MIOS: variants seen among roughly 807,000 people sequenced by gnomAD.
MIOS encodes meiosis regulator for oocyte development.
Under a neutral mutation model 96.9 loss-of-function variants are expected in MIOS, and 52 were observed. That is an observed-to-expected ratio of 0.54 (90% CI 0.43 to 0.68). The LOEUF (loss-of-function observed/expected upper bound fraction) is 0.68, where lower values mean the gene tolerates loss of function less well. Ranked by LOEUF, MIOS falls within the 30% of genes least tolerant of loss-of-function variation. MIOS has a pLI of 0.00. For missense variants in MIOS, 1,005 were observed against 1,052.8 expected, an observed-to-expected ratio of 0.95 and a Z score of 0.63; for synonymous variants, 397 against 359.5, an observed-to-expected ratio of 1.10 and a Z score of -1.18.
rs117782293 is a variant in MIOS, at chr7:7,594,351, G to C, written c.2044-629G>C. Among the ~76,000 whole-genome samples the C allele has an allele frequency of 3.3e-5, 5 of 151,198 alleles. No homozygotes were observed. The East Asian group carries it at 9.7e-4, about 29-fold the overall frequency. On this transcript the variant is annotated intron_variant, in intron 9 of 12. Coordinates refer to ENST00000340080, the MANE Select transcript of MIOS (RefSeq NM_019005.4). ...AAATGGAGTCTCATTCTGTCACCCA[G>C]ACTACAGTGCAACGGCACAATCTCA...
At chr7:7,600,428 CAG>C (rs1407711584) in intron 11 of MIOS, among the ~76,000 whole-genome samples, 3 of 152,128 alleles carry the variant, frequency 2.0e-5, no homozygotes, top group African/African-American at 7.2e-5. Context: ...ATCCTGATCT[CAG>C]ATAAAACAGA....
At chr7:7,574,038 T>G (rs1240974362) in intron 4 of MIOS, 60 bp from the exon 5 acceptor site, 2 of 1,353,376 alleles carry the variant, frequency 1.5e-6, no homozygotes, top group African/African-American at 2.9e-5. Context: ...CAAATCAAAA[T>G]AAATTTAGCT....
intron 9 of MIOS, 138 bp from the exon 10 acceptor site, chr7:7,594,842 C>T (rs1380499497): frequency 5.9e-6 from 3 of 509,850 alleles, no homozygotes; most frequent in Non-Finnish European, 9.2e-6. Context: ...TCTTTATTCT[C>T]ATTAGGAGCC....
Position 7,605,924 on chromosome 7 carries a change from C to G in MIOS, c.2402-18C>G. 6.2e-7 allele frequency: 1 copy of G among 1,606,042 alleles called. No individual in the cohort carries two copies. On this transcript the variant is annotated intron_variant, in intron 11 of 12. Transcript: ENST00000340080. ...ATATTATGATATAGTTAATGAAGAT[C>G]ATTTTATTTTGTCATAGGAGGAACC...
intron 5 of MIOS, among the ~76,000 whole-genome samples, chr7:7,578,603 T>G (rs1350808256): frequency 6.6e-6 from 1 of 152,192 alleles, no homozygotes; most frequent in Admixed American, 6.5e-5. Flanking sequence ...TCTTATAAAC[T>G]GGATAATTGT....
At chr7:7,602,561 A>G (rs1322770890) in intron 11 of MIOS, among the ~76,000 whole-genome samples, 1 of 152,170 alleles carries the variant, frequency 6.6e-6, no homozygotes, top group Non-Finnish European at 1.5e-5. Flanking sequence ...ACTACTGCTC[A>G]AGGAAATAAA....
At chr7:7,581,803 C>G (rs1027375982) in intron 5 of MIOS, 1 of 152,238 alleles carries the variant, frequency 6.6e-6, no homozygotes, top group East Asian at 1.9e-4. Flanking sequence ...TGCTGCTTCT[C>G]TCTTACCTCG....
chr7:7,596,923 A>T (rs1428101012), intron 11 of MIOS, among the ~76,000 whole-genome samples: 1 of 152,204 alleles, frequency 6.6e-6, no homozygotes, highest in Non-Finnish European at 1.5e-5. Flanking sequence ...GGTCAGTTGC[A>T]GTGGCTCATG....
intron 9 of MIOS, 33 bp downstream of exon 9, chr7:7,589,596 G>T (rs1190399727): frequency 6.4e-7 from 1 of 1,568,160 alleles, no homozygotes; most frequent in South Asian, 1.2e-5. Flanking sequence ...TTTTAAAAAA[G>T]TAACAATATT....
At chr7:7,600,969 T>G (rs1008854890) in intron 11 of MIOS, among the ~76,000 whole-genome samples, 37 of 152,260 alleles carry the variant, frequency 2.4e-4, no homozygotes, top group African/African-American at 7.9e-4. Flanking sequence ...GAATGACTAC[T>G]GGGTACATAA....
Position 7,567,704 on chromosome 7 carries a change from G to C in MIOS, c.-139+16G>C, listed in dbSNP as rs535596241. The C allele has an allele frequency of 6.6e-6, 1 of 152,254 alleles. No individual in the cohort carries two copies. Among genetic ancestry groups the C allele is most frequent in the African/African-American group, 2.4e-5 (1 of 41,542 alleles). The allele number at this position is 152,254 out of a possible 1,614,324, so 9.4% of individuals were successfully genotyped here. ...ATTTGCCACGGTAAGAAAAGTAAAAGACAACATCAAAAAGCATGTGGTTGG... is the reference window on the plus strand; with the variant it reads ...ATTTGCCACGGTAAGAAAAGTAAAACACAACATCAAAAAGCATGTGGTTGG... On this transcript the variant is annotated intron_variant, in intron 2 of 12. Transcript: ENST00000340080.
rs58139181 is a variant in MIOS at position 7,594,862 on chromosome 7, C to CAAAAA, written c.2044-107_2044-103dup. 4.4e-4 allele frequency: 167 copies of CAAAAA among 377,190 alleles called. 1 individual carries two copies. Among genetic ancestry groups the CAAAAA allele is most frequent in the South Asian group, 7.0e-4 (9 of 12,794 alleles). 23.4% of individuals were successfully genotyped at this position (377,190 alleles called of 1,614,324 possible). On this transcript the variant is annotated intron_variant, in intron 9 of 12. Transcript: ENST00000340080. ...ATTCTCATTAGGAGCCAGCTTTTGG[C>CAAAAA]AAAAAAAAAAAAAAAGGCCTATTTC...
rs760549071 is a variant in MIOS, at chr7:7,589,541, C to T, written c.2021C>T (p.Thr674Ile). 7 of 1,612,206 alleles carry T rather than the reference C, an allele frequency of 4.3e-6. No individual in the cohort carries two copies. Among genetic ancestry groups the T allele is most frequent in the Non-Finnish European group, 5.9e-6 (7 of 1,178,858 alleles). The part of the protein sequence containing the change: ...SYVDRTGDVQ[T>I]ASYCMLQGSP... Reference sequence around the variant, plus strand: ...GTTGATAGAACTGGAGATGTTCAAACAGCAAGTTACTGTATGTTACAGGTC... The same window carrying T: ...GTTGATAGAACTGGAGATGTTCAAATAGCAAGTTACTGTATGTTACAGGTC... The change falls in exon 9 of 13, where the codon ACA becomes ATA. Residue 674 changes from threonine to isoleucine, a missense_variant. Thr to Ile is a moderately conservative substitution (Grantham distance 89). This residue lies in a region of MIOS where 865 missense variants were observed against 887.9 expected (regional missense o/e 0.97). Coordinates refer to ENST00000340080, the MANE Select transcript of MIOS (RefSeq NM_019005.4).
intron 5 of MIOS, among the ~76,000 whole-genome samples, chr7:7,577,224 A>G (rs1331999713): frequency 1.3e-5 from 2 of 152,188 alleles, no homozygotes; most frequent in African/African-American, 4.8e-5. Context: ...AACCTAGTAT[A>G]CATTCATGTG....
At chr7:7,576,680 C>T (rs183154842) in intron 5 of MIOS, among the ~76,000 whole-genome samples, 313 of 152,072 alleles carry the variant, frequency 2.1e-3, no homozygotes, top group Non-Finnish European at 3.7e-3. Context: ...TCTTGTAAGA[C>T]GGGGAAACAG....
intron 5 of MIOS, among the ~76,000 whole-genome samples, chr7:7,581,535 T>A (rs374741103): frequency 8.5e-4 from 130 of 152,276 alleles, no homozygotes; most frequent in African/African-American, 2.8e-3. Context: ...TCAAAAAGGC[T>A]AACCAGAAGG....
At position 7,588,482 on chromosome 7, in the gene MIOS, T is replaced by C; in HGVS notation, c.1819-16T>C. ...TGCGCCTAGAAGTAACTCCTTGCTT[T>C]TTCTCTTCTTTCCAGTATGAAAACA... On this transcript the variant is annotated splice_polypyrimidine_tract_variant and intron_variant, in intron 7 of 12. Coordinates refer to ENST00000340080, the MANE Select transcript of MIOS (RefSeq NM_019005.4). The C allele has an allele frequency of 6.5e-7, 1 of 1,549,512 alleles. No individual in the cohort carries two copies. Among genetic ancestry groups the C allele is most frequent in the Non-Finnish European group, 8.7e-7 (1 of 1,144,954 alleles).
intron 5 of MIOS, among the ~76,000 whole-genome samples, chr7:7,575,476 T>C (rs990979786): frequency 6.6e-6 from 1 of 152,130 alleles, no homozygotes; most frequent in African/African-American, 2.4e-5. Flanking sequence ...TAGAAGCTGC[T>C]GTTTTTATTA....
intron 9 of MIOS, among the ~76,000 whole-genome samples, chr7:7,592,413 T>C (rs1784074948): frequency 6.6e-6 from 1 of 152,246 alleles, no homozygotes; most frequent in Non-Finnish European, 1.5e-5. Context: ...CAGTTTACTT[T>C]AGCAGTCCCC....
Sources: gnomAD v4.1 joint callset for allele counts (sites outside exome capture counted in the v4.1 genomes callset) on GRCh38, gnomAD v4.1.1 for gene constraint, gnomAD v4.1.1 regional missense constraint, MANE v1.5 for transcripts, NCBI Gene and HGNC (gene_info 2026-07-23, HGNC 2026-07-21) for gene names.